The following PARD3B variants were observed in gnomAD, a reference collection of about 807,000 sequenced individuals.
PARD3B encodes the protein par-3 family cell polarity regulator beta, also known as partitioning defective 3 homolog B.
PARD3B carries 103 observed loss-of-function variants against 130.2 expected under a neutral mutation model. The observed-to-expected ratio is 0.79, with a 90% confidence interval of 0.67 to 0.93. The LOEUF is 0.93. Ranked by LOEUF, PARD3B falls within the 40% of genes least tolerant of loss-of-function variation. PARD3B has a pLI of 0.00. For synonymous variants in PARD3B, 583 were observed against 553.2 expected (o/e 1.05, Z -0.76); for missense variants, 1,609 against 1,499.2 (o/e 1.07, Z -1.21).
intron 2 of PARD3B, among the ~76,000 whole-genome samples, chr2:204,764,021 C>A (rs1214962301): frequency 6.6e-6 from 1 of 151,890 alleles, no homozygotes; most frequent in Non-Finnish European, 1.5e-5. Flanking sequence ...TGAGGTATAC[C>A]CTAAATTCTT....
At chr2:204,754,632 C>T (rs2040592753) in intron 2 of PARD3B, among the ~76,000 whole-genome samples, 1 of 152,092 alleles carries the variant, frequency 6.6e-6, no homozygotes, top group South Asian at 2.1e-4. Context: ...TTAATGTTTG[C>T]AATATCAGGA....
intron 18 of PARD3B, among the ~76,000 whole-genome samples, chr2:205,381,140 ATATAAT>A (rs1236132169): frequency 3.1e-5 from 2 of 64,572 alleles, no homozygotes; most frequent in Non-Finnish European, 7.0e-5. Context: ...TATAAAGAAT[ATATAAT>A]ATATATAATA....
chr2:205,282,888 G>A (rs899832659), intron 16 of PARD3B, among the ~76,000 whole-genome samples: 1 of 152,172 alleles, frequency 6.6e-6, no homozygotes, highest in African/African-American at 2.4e-5. Context: ...TTCCCAATCA[G>A]GTCTGTTTAT....
At chr2:205,284,753 A>G (rs2041324138) in intron 16 of PARD3B, among the ~76,000 whole-genome samples, 1 of 152,260 alleles carries the variant, frequency 6.6e-6, no homozygotes, top group South Asian at 2.1e-4. Context: ...TTTACATGCC[A>G]TGCAGGATGC....
chr2:204,669,523 G>A lies in PARD3B; in HGVS notation c.121-16658G>A, dbSNP rs151203102. On this transcript the variant is annotated intron_variant, in intron 1 of 22. Coordinates refer to ENST00000406610, the MANE Select transcript of PARD3B (RefSeq NM_001302769.2). This position sits in a 1 kb window ranked among gnomAD's most constrained non-coding sequence, Gnocchi z 4.3. ...GAGCTGTAAAAAGGAGAATATGTTC[G>A]AACATTCTTGTTTGAATGGTTTAGT... Among the ~76,000 whole-genome samples, 1,489 of 152,166 alleles carry A rather than the reference G, an allele frequency of 9.8e-3. 21 individuals are homozygous for A. Among genetic ancestry groups the A allele is most frequent in the African/African-American group, 0.034 (1,393 of 41,532 alleles).
At chr2:204,670,336 TG>T (rs1225085619) in intron 1 of PARD3B, among the ~76,000 whole-genome samples, 1 of 152,190 alleles carries the variant, frequency 6.6e-6, no homozygotes, top group Non-Finnish European at 1.5e-5. Flanking sequence ...ATTTGGCCCA[TG>T]GGTCACAGTT....
intron 2 of PARD3B, among the ~76,000 whole-genome samples, chr2:204,962,383 A>G (rs1418443773): frequency 1.3e-5 from 2 of 152,106 alleles, no homozygotes; most frequent in South Asian, 2.1e-4. Context: ...TGCATGCCAT[A>G]CAAGTTTACT....
At chr2:204,867,050 T>A (rs1047260666) in intron 2 of PARD3B, among the ~76,000 whole-genome samples, 2 of 151,848 alleles carry the variant, frequency 1.3e-5, no homozygotes, top group African/African-American at 4.8e-5. Flanking sequence ...GCCTGGGCAA[T>A]GATAGTGAAT....
intron 16 of PARD3B, among the ~76,000 whole-genome samples, chr2:205,249,651 G>C (rs2039751692): frequency 6.6e-6 from 1 of 152,090 alleles, no homozygotes; most frequent in Non-Finnish European, 1.5e-5. Context: ...CCCTATTTCA[G>C]GGGCTTCCCC....
chr2:205,123,653 T>C (rs1575857125), intron 8 of PARD3B, among the ~76,000 whole-genome samples: 1 of 43,950 alleles, frequency 2.3e-5, no homozygotes, highest in Non-Finnish European at 4.1e-5. Flanking sequence ...AGAGAGTCAA[T>C]TTCAAAAAAA....
intron 11 of PARD3B, among the ~76,000 whole-genome samples, chr2:205,161,146 A>G (rs775840804): frequency 1.3e-5 from 2 of 152,158 alleles, no homozygotes; most frequent in Non-Finnish European, 2.9e-5. Context: ...TTAAAAGCAA[A>G]CATCTTAGCT....
Position 204,926,243 on chromosome 2 carries a change from A to G in PARD3B, c.223-38909A>G, listed in dbSNP as rs906632071. On this transcript the variant is annotated intron_variant, in intron 2 of 22. Transcript: ENST00000406610. ...CAGGGCTGTTAGGAATGGGGAATGG[A>G]TGGTGCTTGGACAAATAAATGTTGA... is the stretch of plus-strand genomic sequence containing the variant. 2.6e-5 allele frequency among the ~76,000 whole-genome samples: 4 copies of G among 152,208 alleles called. No individual in the cohort carries two copies. In the East Asian group the frequency reaches 7.7e-4, roughly 29 times the overall value.
chr2:205,606,436 C>G (rs1485397616), intron 22 of PARD3B, among the ~76,000 whole-genome samples: 1 of 152,150 alleles, frequency 6.6e-6, no homozygotes, highest in South Asian at 2.1e-4. Flanking sequence ...GTCATGCCAC[C>G]CACCTAGTCA....
rs546919973 is a variant in PARD3B, at chr2:205,063,414, A to C, written c.504+15724A>C. On this transcript the variant is annotated intron_variant, in intron 4 of 22. Coordinates refer to ENST00000406610, the MANE Select transcript of PARD3B (RefSeq NM_001302769.2). The stretch of plus-strand genomic sequence containing the variant: ...CTAAATTTGTTTGATAAATTAATGA[A>C]CTAGAAATTAGTCTTTGCAAGGACC... 4.6e-5 allele frequency among the ~76,000 whole-genome samples: 7 copies of C among 152,226 alleles called. No individual in the cohort carries two copies. The East Asian group carries it at 1.4e-3, about 29-fold the overall frequency.
chr2:204,998,328 A>G (rs1222185730), intron 3 of PARD3B, among the ~76,000 whole-genome samples: 1 of 38,864 alleles, frequency 2.6e-5, no homozygotes, highest in African/African-American at 1.0e-4. Context: ...ATATATATAT[A>G]TATATATATA....
intron 22 of PARD3B, among the ~76,000 whole-genome samples, chr2:205,611,910 A>G (rs955302152): frequency 1.3e-5 from 2 of 152,222 alleles, no homozygotes; most frequent in African/African-American, 4.8e-5. Context: ...TGTTTTAATC[A>G]GAATCTCCTA....
intron 2 of PARD3B, among the ~76,000 whole-genome samples, chr2:204,936,037 A>C (rs564032362): frequency 2.0e-5 from 3 of 152,372 alleles, no homozygotes; most frequent in South Asian, 4.1e-4. Context: ...GATTTTGTTC[A>C]AAATTTTCTT....
rs1044352661 is a variant in PARD3B, at chr2:204,613,722, A to C, written c.120+67603A>C. On this transcript the variant is annotated intron_variant, in intron 1 of 22. Transcript: ENST00000406610. ...ATTTTTAAGAGCTCTTTGTTGCTTT[A>C]TGAACTTTGTTTTATTCCTTTTAAG... Among the ~76,000 whole-genome samples the C allele has an allele frequency of 6.6e-5, 10 of 151,844 alleles. No homozygotes were observed. The South Asian group carries it at 2.1e-3, about 32-fold the overall frequency.
In PARD3B at chr2:205,562,888, A is replaced by G. The variant is rs1453391116; in HGVS notation, c.3260+9485A>G. ...AGCCATTTGCACTGTCCCTTGATTC[A>G]AGTTCCTGGGTTTGCTGTGTATAGG... On this transcript the variant is annotated intron_variant, in intron 22 of 22. Transcript: ENST00000406610. This position sits in a 1 kb window ranked among gnomAD's most constrained non-coding sequence, Gnocchi z 5.4. Among the ~76,000 whole-genome samples the G allele has an allele frequency of 2.0e-5, 3 of 152,120 alleles. No homozygotes were observed. The highest frequency in any genetic ancestry group is 2.9e-5 in the Non-Finnish European group (2 of 68,032).
Sources: allele counts gnomAD v4.1 joint callset (sites outside exome capture counted in the v4.1 genomes callset), GRCh38; gene constraint gnomAD v4.1.1; non-coding constraint Gnocchi (gnomAD v3.1); transcripts MANE v1.5; gene names NCBI Gene and HGNC (gene_info 2026-07-23, HGNC 2026-07-21).